SORCS3: variants seen among roughly 807,000 people sequenced by gnomAD.
SORCS3 encodes the protein VPS10 domain-containing receptor SorCS3.
A neutral mutation model predicts 146.3 loss-of-function variants in SORCS3; 57 were observed. The observed-to-expected ratio is 0.39, with a 90% confidence interval of 0.31 to 0.49. The LOEUF is 0.49. Among genes scored for constraint, SORCS3 ranks in the 20% least tolerant of loss-of-function variants. SORCS3 has a pLI of 0.92. For missense variants in SORCS3, 1,341 were observed against 1,575.5 expected (o/e 0.85, Z 2.52); for synonymous variants, 653 against 618.5 (o/e 1.06, Z -0.83).
At chr10:104,950,543 G>A (rs142026369) in intron 3 of SORCS3, among the ~76,000 whole-genome samples, 153 of 152,272 alleles carry the variant, frequency 1.0e-3, no homozygotes, top group African/African-American at 3.5e-3. Context: ...GTATGATTGC[G>A]ATTATAATTT....
At chr10:105,117,716 C>A (rs2055903321) in intron 7 of SORCS3, among the ~76,000 whole-genome samples, 1 of 152,216 alleles carries the variant, frequency 6.6e-6, no homozygotes, top group African/African-American at 2.4e-5. Context: ...ATCCCATCTT[C>A]TCATTTCCCT....
intron 3 of SORCS3, among the ~76,000 whole-genome samples, chr10:104,917,627 G>A (rs1242296065): frequency 6.6e-6 from 1 of 152,000 alleles, no homozygotes; most frequent in Non-Finnish European, 1.5e-5. Flanking sequence ...TTTGACCAAT[G>A]TCTCCCAAAC....
chr10:105,242,704 ATATT>A (rs1310074969), intron 20 of SORCS3, among the ~76,000 whole-genome samples: 2 of 100,460 alleles, frequency 2.0e-5, no homozygotes, highest in African/African-American at 4.2e-5. Flanking sequence ...ATACATTTAT[ATATT>A]TATATATTTA....
At chr10:105,162,408 C>T (rs557278875) in intron 11 of SORCS3, among the ~76,000 whole-genome samples, 2 of 152,154 alleles carry the variant, frequency 1.3e-5, no homozygotes, top group South Asian at 4.1e-4. Flanking sequence ...TAGCTGAGCT[C>T]CAATTCCACT....
chr10:105,180,660 A>T (rs2056437460), intron 14 of SORCS3, among the ~76,000 whole-genome samples: 1 of 152,120 alleles, frequency 6.6e-6, no homozygotes, highest in African/African-American at 2.4e-5. Context: ...AAACTCATAG[A>T]ATGGCCTACA....
chr10:104,878,571 T>C (rs940338110), intron 2 of SORCS3, among the ~76,000 whole-genome samples: 1 of 152,194 alleles, frequency 6.6e-6, no homozygotes, highest in African/African-American at 2.4e-5. Context: ...TGAAAAGATA[T>C]CTGTAAGATA....
At chr10:104,947,695 T>G (rs2019387592) in intron 3 of SORCS3, among the ~76,000 whole-genome samples, 2 of 152,188 alleles carry the variant, frequency 1.3e-5, no homozygotes, top group South Asian at 4.1e-4. Context: ...CAATCTTGGC[T>G]CAGTGCAATC....
At chr10:105,158,486 C>G (rs1476788133) in intron 10 of SORCS3, among the ~76,000 whole-genome samples, 1 of 152,194 alleles carries the variant, frequency 6.6e-6, no homozygotes, top group Non-Finnish European at 1.5e-5. Context: ...CCACTCTTCA[C>G]TCCTCCCAGA....
At chr10:104,974,480 G>A (rs2054881837) in intron 3 of SORCS3, among the ~76,000 whole-genome samples, 1 of 152,066 alleles carries the variant, frequency 6.6e-6, no homozygotes, top group African/African-American at 2.4e-5. Flanking sequence ...GATCTTTGTT[G>A]TTTTGAAGTC....
intron 16 of SORCS3, among the ~76,000 whole-genome samples, chr10:105,204,728 GT>G (rs146821943): frequency 2.4e-4 from 37 of 151,098 alleles, no homozygotes; most frequent in African/African-American, 8.2e-4. Flanking sequence ...GACCTATAAA[GT>G]TTTTTTTTAC....
chr10:105,086,348 C>A (rs1245184918), intron 5 of SORCS3, among the ~76,000 whole-genome samples: 1 of 152,186 alleles, frequency 6.6e-6, no homozygotes, highest in Non-Finnish European at 1.5e-5. Context: ...GAGCCAAGAG[C>A]AACTCAAGAG....
intron 3 of SORCS3, among the ~76,000 whole-genome samples, chr10:104,963,291 A>G (rs2054806440): frequency 6.6e-6 from 1 of 152,182 alleles, no homozygotes; most frequent in African/African-American, 2.4e-5. Flanking sequence ...ATCAACATTG[A>G]CAGTCTGCCT....
At chr10:104,826,978 TG>T (rs1340860743) in intron 1 of SORCS3, among the ~76,000 whole-genome samples, 6 of 152,226 alleles carry the variant, frequency 3.9e-5, no homozygotes, top group African/African-American at 1.4e-4. Context: ...TTTTCTCATC[TG>T]TTTAAGTTTA....
chr10:105,096,395 G>C (rs1564752843), intron 6 of SORCS3, among the ~76,000 whole-genome samples: 2 of 152,084 alleles, frequency 1.3e-5, no homozygotes, highest in African/African-American at 4.8e-5. Context: ...CTGGCCTGGG[G>C]ACTGCACTTT....
chr10:105,075,933 T>A (rs1030183549), intron 5 of SORCS3, among the ~76,000 whole-genome samples: 7 of 152,192 alleles, frequency 4.6e-5, no homozygotes, highest in Admixed American at 1.3e-4. Context: ...TTTATACCAG[T>A]CCAGTGCTCT....
At chr10:104,679,125 T>G (rs2015943766) in intron 1 of SORCS3, among the ~76,000 whole-genome samples, 1 of 152,198 alleles carries the variant, frequency 6.6e-6, no homozygotes, top group Non-Finnish European at 1.5e-5. Context: ...AGAGGAACTA[T>G]GCCATGGAGA....
At chr10:104,842,259 T>TG (rs2018150494) in intron 1 of SORCS3, among the ~76,000 whole-genome samples, 1 of 152,204 alleles carries the variant, frequency 6.6e-6, no homozygotes, top group Non-Finnish European at 1.5e-5. Context: ...CAGGGGATGT[T>TG]GGGGAAGTAG....
Position 104,764,560 on chromosome 10 carries a change from G to T in SORCS3, c.628-78232G>T, listed in dbSNP as rs192501837. Among the ~76,000 whole-genome samples, 25 of 152,332 alleles carry T rather than the reference G, an allele frequency of 1.6e-4. 4 individuals are homozygous for T. The highest frequency in any genetic ancestry group is 1.6e-3 in the Admixed American group (24 of 15,302). ...TTTACACATTCTGAGGTGCCCAGCTGCCTGGTGAGGTAGTTGTAGGGTCAA... is the reference window on the plus strand; with the variant it reads ...TTTACACATTCTGAGGTGCCCAGCTTCCTGGTGAGGTAGTTGTAGGGTCAA... On this transcript the variant is annotated intron_variant, in intron 1 of 26. Coordinates refer to ENST00000369701, the MANE Select transcript of SORCS3 (RefSeq NM_014978.3).
intron 4 of SORCS3, among the ~76,000 whole-genome samples, chr10:105,014,854 T>A (rs1425643181): frequency 6.6e-6 from 1 of 152,228 alleles, no homozygotes; most frequent in Non-Finnish European, 1.5e-5. Context: ...AGGTGCCATC[T>A]ATGAACCATC....
Sources: gnomAD v4.1 joint callset for allele counts (sites outside exome capture counted in the v4.1 genomes callset) on GRCh38, gnomAD v4.1.1 for gene constraint, MANE v1.5 for transcripts, NCBI Gene and HGNC (gene_info 2026-07-23, HGNC 2026-07-21) for gene names.